The following FTO variants were observed in gnomAD, a reference collection of about 807,000 sequenced individuals.
The protein encoded by FTO is FTO alpha-ketoglutarate dependent dioxygenase, also known as alpha-ketoglutarate-dependent dioxygenase FTO.
In FTO, 47 loss-of-function variants were observed where a neutral mutation model predicts 63.9. The ratio of observed to expected loss-of-function variants is 0.74; its 90% CI spans 0.58 to 0.94. The LOEUF is 0.94. Among genes scored for constraint, FTO ranks in the 40% least tolerant of loss-of-function variants. FTO has a pLI of 0.00. For synonymous variants in FTO, 207 were observed against 224.4 expected (o/e 0.92, Z 0.69); for missense variants, 562 against 618.1 (o/e 0.91, Z 0.96).
At chr16:53,710,733 A>G (rs1042116652) in intron 1 of FTO, among the ~76,000 whole-genome samples, 59 of 152,210 alleles carry the variant, frequency 3.9e-4, no homozygotes, top group African/African-American at 1.2e-3. Flanking sequence ...GGGATTTCAC[A>G]TAAAGATCTG....
At chr16:53,873,566 G>A (rs183245547) in intron 4 of FTO, among the ~76,000 whole-genome samples, 9 of 149,860 alleles carry the variant, frequency 6.0e-5, no homozygotes, top group African/African-American at 2.2e-4. Flanking sequence ...TATATATAAT[G>A]TCTACTTATA....
rs76689712 is a variant in FTO at position 53,785,495 on chromosome 16, G to A, written c.46-24645G>A. Among the ~76,000 whole-genome samples the A allele has an allele frequency of 7.3e-3, 1,119 of 152,264 alleles. 9 individuals are homozygous for A. Among genetic ancestry groups the A allele is most frequent in the Non-Finnish European group, 0.013 (893 of 68,016 alleles). On this transcript the variant is annotated intron_variant, in intron 1 of 8. Transcript: ENST00000471389. ...GCAGGGATTGGGCCATTTGGGGAATGAATTGATGAGAAAGAGAAAGTTGTG... is the reference window on the plus strand; with the variant it reads ...GCAGGGATTGGGCCATTTGGGGAATAAATTGATGAGAAAGAGAAAGTTGTG...
intron 1 of FTO, among the ~76,000 whole-genome samples, chr16:53,715,222 C>T (rs2075866900): frequency 6.6e-6 from 1 of 152,082 alleles, no homozygotes; most frequent in African/African-American, 2.4e-5. Context: ...AGCTATAGCC[C>T]AGGGTTGTCT....
chr16:53,844,652 G>T (rs188129997), intron 4 of FTO, among the ~76,000 whole-genome samples: 1,827 of 151,854 alleles, frequency 0.012, 24 homozygotes, highest in Non-Finnish European at 0.015. Flanking sequence ...GTAGAGATGG[G>T]TTTCACCACG....
intron 8 of FTO, among the ~76,000 whole-genome samples, chr16:54,093,966 G>A (rs879439884): frequency 6.6e-6 from 1 of 152,102 alleles, no homozygotes; most frequent in Non-Finnish European, 1.5e-5. Context: ...GGCTGTCTCA[G>A]TTTGACAGAT....
chr16:53,909,152 C>T lies in FTO; in HGVS notation c.1239+20201C>T, dbSNP rs113870105. 5.9e-3 allele frequency among the ~76,000 whole-genome samples: 894 copies of T among 152,292 alleles called. 4 individuals are homozygous for T. Among genetic ancestry groups the T allele is most frequent in the Non-Finnish European group, 0.011 (740 of 68,016 alleles). The stretch of plus-strand genomic sequence containing the variant: ...GAGTCTGTTATCTTTTGAAAAAGTA[C>T]AGTTCATATTCAGCAGGCATCTACC... On this transcript the variant is annotated intron_variant, in intron 7 of 8. Transcript: ENST00000471389.
At chr16:53,745,578 T>G (rs73609973) in intron 1 of FTO, among the ~76,000 whole-genome samples, 2 of 152,198 alleles carry the variant, frequency 1.3e-5, no homozygotes, top group African/African-American at 4.8e-5. Context: ...AAAGATAAGA[T>G]AGATTTTTAT....
chr16:53,944,682 C>G (rs1338841672), intron 8 of FTO, among the ~76,000 whole-genome samples: 1 of 152,178 alleles, frequency 6.6e-6, no homozygotes, highest in African/African-American at 2.4e-5. Context: ...TCAATTTTCT[C>G]GTTTGTTATT....
chr16:53,950,181 T>TAAAAAAAAAAAAAAAAAAAAAAAAAA (rs1555497372), intron 8 of FTO, among the ~76,000 whole-genome samples: 4 of 48,056 alleles, frequency 8.3e-5, no homozygotes, highest in Admixed American at 2.2e-4. Flanking sequence ...AAAAAAAAAC[T>TAAAAAAAAAAAAAAAAAAAAAAAAAA]TAATCCATGC....
At chr16:53,947,762 T>C (rs2143470219) in intron 8 of FTO, among the ~76,000 whole-genome samples, 1 of 152,360 alleles carries the variant, frequency 6.6e-6, no homozygotes. Flanking sequence ...TTATTTTTAA[T>C]GACTGAACAC....
chr16:53,843,501 T>G (rs561164619), intron 3 of FTO, among the ~76,000 whole-genome samples: 145 of 152,252 alleles, frequency 9.5e-4, no homozygotes, highest in Non-Finnish European at 1.7e-3. Context: ...TTTCCTTTTA[T>G]GTATTGTGCC....
intron 8 of FTO, among the ~76,000 whole-genome samples, chr16:53,941,735 C>T (rs756930488): frequency 6.6e-6 from 1 of 152,138 alleles, no homozygotes; most frequent in Non-Finnish European, 1.5e-5. Context: ...GTAGTCCCAG[C>T]TACTTGGGAG....
At position 54,060,281 on chromosome 16, in the gene FTO, G is replaced by A. The variant is rs144315302; in HGVS notation, c.1365-51481G>A. On this transcript the variant is annotated intron_variant, in intron 8 of 8. Transcript: ENST00000471389. Reference sequence around the variant, plus strand: ...TTCAAATCGTACTCTGGGTTCAACCGAAAGACTCAGTGAATGAAGAAGATT... The same window carrying A: ...TTCAAATCGTACTCTGGGTTCAACCAAAAGACTCAGTGAATGAAGAAGATT... 5.4e-3 allele frequency among the ~76,000 whole-genome samples: 819 copies of A among 152,268 alleles called. 11 individuals are homozygous for A. The highest frequency in any genetic ancestry group is 0.019 in the African/African-American group (787 of 41,546).
At chr16:53,957,939 C>G (rs915946044) in intron 8 of FTO, among the ~76,000 whole-genome samples, 1 of 152,198 alleles carries the variant, frequency 6.6e-6, no homozygotes, top group Non-Finnish European at 1.5e-5. Context: ...ATCCTATCTT[C>G]TATTGTTTAA....
chr16:53,731,849 G>A (rs1230464162), intron 1 of FTO, among the ~76,000 whole-genome samples: 1 of 150,410 alleles, frequency 6.6e-6, no homozygotes, highest in African/African-American at 2.5e-5. Context: ...CTGGGTTCAC[G>A]CCATTCTCCT....
intron 1 of FTO, among the ~76,000 whole-genome samples, chr16:53,806,084 G>A (rs1329005585): frequency 6.6e-6 from 1 of 152,196 alleles, no homozygotes; most frequent in Non-Finnish European, 1.5e-5. Flanking sequence ...TTTTAATGTT[G>A]TGTGTTTTTA....
chr16:54,029,061 G>T (rs548235141), intron 8 of FTO, among the ~76,000 whole-genome samples: 1 of 152,060 alleles, frequency 6.6e-6, no homozygotes, highest in Non-Finnish European at 1.5e-5. Context: ...ATTCTACCTG[G>T]CATGGTGTCC....
In FTO at chr16:53,902,191, C is replaced by T. The variant is rs568605290; in HGVS notation, c.1239+13240C>T. 3.9e-5 allele frequency among the ~76,000 whole-genome samples: 6 copies of T among 152,270 alleles called. 1 individual carries two copies. In the East Asian group the frequency reaches 1.2e-3, roughly 29 times the overall value. On this transcript the variant is annotated intron_variant, in intron 7 of 8. Coordinates refer to ENST00000471389, the MANE Select transcript of FTO (RefSeq NM_001080432.3). Reference sequence around the variant, plus strand: ...AGGCCTGAAACATTTATCCTCTCTTCTTTATATATTAGGTATTCACCCTAA... The same window carrying T: ...AGGCCTGAAACATTTATCCTCTCTTTTTTATATATTAGGTATTCACCCTAA...
chr16:53,872,447 A>C (rs758986977), intron 4 of FTO, among the ~76,000 whole-genome samples: 91 of 152,220 alleles, frequency 6.0e-4, no homozygotes, highest in Non-Finnish European at 7.5e-4. Context: ...AGAAAGAAAC[A>C]GAGACTCTGG....
Sources: gnomAD v4.1 joint callset for allele counts (sites outside exome capture counted in the v4.1 genomes callset) on GRCh38, gnomAD v4.1.1 for gene constraint, MANE v1.5 for transcripts, NCBI Gene and HGNC (gene_info 2026-07-23, HGNC 2026-07-21) for gene names.